CHST3: variants seen among roughly 807,000 people sequenced by gnomAD.
CHST3 encodes carbohydrate sulfotransferase 3.
In CHST3, 20 loss-of-function variants were observed where a neutral mutation model predicts 35.4. The observed-to-expected ratio is 0.57, with a 90% CI of 0.40 to 0.82. CHST3 has a LOEUF of 0.82. Among genes scored for constraint, CHST3 ranks in the 40% least tolerant of loss-of-function variants. The probability of loss-of-function intolerance (pLI) is 0.00; values close to 1 mark genes in which losing one functional copy is unlikely to be tolerated. For missense variants in CHST3, 693 were observed against 670.1 expected (o/e 1.03, Z -0.38); for synonymous variants, 334 against 295.9 (o/e 1.13, Z -1.32).
At chr10:71,967,072 C>T (rs770872877) in intron 1 of CHST3, among the ~76,000 whole-genome samples, 6 of 152,162 alleles carry the variant, frequency 3.9e-5, no homozygotes, top group Non-Finnish European at 7.3e-5. Context: ...CGATCACTGC[C>T]ACTCACCATA....
At chr10:72,004,917 C>T (rs1840024099) in intron 1 of CHST3, among the ~76,000 whole-genome samples, 1 of 152,116 alleles carries the variant, frequency 6.6e-6, no homozygotes, top group Admixed American at 6.5e-5. Context: ...ATTGCTTGCA[C>T]TCAGGAGTTC....
intron 1 of CHST3, among the ~76,000 whole-genome samples, chr10:71,985,575 T>A (rs905509829): frequency 6.6e-6 from 1 of 152,230 alleles, no homozygotes; most frequent in Admixed American, 6.5e-5. Flanking sequence ...AAAGGCCATT[T>A]CTGCTCAATC....
intron 1 of CHST3, among the ~76,000 whole-genome samples, chr10:71,990,848 A>G (rs753026113): frequency 1.3e-5 from 2 of 152,238 alleles, no homozygotes; most frequent in African/African-American, 2.4e-5. Context: ...GTTTGGCCAA[A>G]TCATCCTTCA....
At chr10:71,969,470 T>C (rs7086629) in intron 1 of CHST3, among the ~76,000 whole-genome samples, 1,919 of 152,278 alleles carry the variant, frequency 0.013, 51 homozygotes, top group African/African-American at 0.042. Context: ...GAGCCCCCAG[T>C]ACAGATGTCC....
intron 1 of CHST3, among the ~76,000 whole-genome samples, chr10:71,989,707 G>T (rs1171977343): frequency 1.3e-5 from 2 of 152,316 alleles, no homozygotes; most frequent in East Asian, 1.9e-4. Context: ...GAAAGTAGAA[G>T]TTAAAAGTCA....
chr10:71,966,632 G>A (rs1839634336), intron 1 of CHST3, among the ~76,000 whole-genome samples: 1 of 152,210 alleles, frequency 6.6e-6, no homozygotes, highest in Admixed American at 6.5e-5. Flanking sequence ...ATCTGGGCTT[G>A]GGCACCCCCA....
intron 1 of CHST3, among the ~76,000 whole-genome samples, chr10:71,986,091 A>G (rs1395006806): frequency 6.6e-6 from 1 of 152,212 alleles, no homozygotes; most frequent in Non-Finnish European, 1.5e-5. Context: ...AACAAGGGAC[A>G]CAGACCTGTT....
intron 1 of CHST3, among the ~76,000 whole-genome samples, chr10:71,980,595 C>G (rs1839791449): frequency 6.6e-6 from 1 of 152,166 alleles, no homozygotes; most frequent in African/African-American, 2.4e-5. Flanking sequence ...AATCTGCTCC[C>G]CTCTCCTGAG....
In CHST3 at chr10:72,008,147, G is replaced by A; in HGVS notation, c.1116G>A (p.Glu372=). The A allele has an allele frequency of 6.5e-7, 1 of 1,548,552 alleles. No homozygotes were observed. The highest frequency in any genetic ancestry group is 1.4e-5 in the African/African-American group (1 of 73,120). ...GCCGCTACATGCTGGTGCGCTACGA[G>A]GACGTGGCACGCGGGCCGCTGCAGA... is the stretch of plus-strand genomic sequence containing the variant. ...LRGRYMLVRY[E]DVARGPLQKA... Residue 372 remains glutamate, a synonymous_variant, in exon 3 of 3, where the codon GAG becomes GAA. Coordinates refer to ENST00000373115, the MANE Select transcript of CHST3 (RefSeq NM_004273.5).
At chr10:71,991,014 C>T (rs1215825533) in intron 1 of CHST3, among the ~76,000 whole-genome samples, 1 of 152,170 alleles carries the variant, frequency 6.6e-6, no homozygotes, top group African/African-American at 2.4e-5. Flanking sequence ...AAGCAGCATC[C>T]CAGGGATCCA....
intron 1 of CHST3, among the ~76,000 whole-genome samples, chr10:72,005,327 A>T (rs1380474351): frequency 7.0e-6 from 1 of 142,118 alleles, no homozygotes; most frequent in African/African-American, 2.5e-5. Context: ...GTGTGTTCTC[A>T]TGTATTTTCT....
chr10:71,985,115 G>A (rs1006736970), intron 1 of CHST3, among the ~76,000 whole-genome samples: 2 of 152,252 alleles, frequency 1.3e-5, no homozygotes, highest in African/African-American at 4.8e-5. Context: ...AAGCCTCCCA[G>A]CCAGAGTGCC....
At chr10:71,989,991 T>C (rs2131753670) in intron 1 of CHST3, among the ~76,000 whole-genome samples, 1 of 152,354 alleles carries the variant, frequency 6.6e-6, no homozygotes, top group South Asian at 2.1e-4. Flanking sequence ...GTTTTTTGTT[T>C]TGGTTTTGGT....
Position 72,007,515 on chromosome 10 carries a change from T to G in CHST3, c.484T>G (p.Phe162Val). 6.2e-7 allele frequency: 1 copy of G among 1,602,590 alleles called. No homozygotes were observed. Among genetic ancestry groups the G allele is most frequent in the Non-Finnish European group, 8.5e-7 (1 of 1,179,682 alleles). The change falls in exon 3 of 3, where the codon TTC becomes GTC. Residue 162 changes from phenylalanine (F) to valine (V), a missense_variant. Transcript: ENST00000373115. ...FNQQGNIFYL[F>V]EPLWHIERTV... The stretch of plus-strand genomic sequence containing the variant: ...CCAGCAGGGCAACATCTTCTACCTC[T>G]TCGAGCCGCTGTGGCACATCGAGCG...
intron 1 of CHST3, among the ~76,000 whole-genome samples, chr10:71,966,146 G>A (rs1262613464): frequency 2.6e-5 from 4 of 152,122 alleles, no homozygotes; most frequent in Non-Finnish European, 5.9e-5. Flanking sequence ...GAGATGGGCC[G>A]TGCTGCTGGG....
Position 72,007,199 on chromosome 10 carries a change from C to T in CHST3, c.168C>T (p.Pro56=). ...TCTCAGACAAGCTGAAGCAGATTCC[C>T]CAAGCTCTAGCAGATGCCAACAGCA... The part of the protein sequence containing the change: ...SRVSDKLKQI[P]QALADANSTD... The change falls in exon 3 of 3, where the codon CCC becomes CCT. Residue 56 remains proline, a synonymous_variant. Transcript: ENST00000373115. 1.2e-6 allele frequency: 2 copies of T among 1,614,160 alleles called. No individual in the cohort carries two copies. Among genetic ancestry groups the T allele is most frequent in the Non-Finnish European group, 1.7e-6 (2 of 1,180,040 alleles).
At chr10:71,967,975 A>ATTTTTTTTTTTTTTTT (rs61420934) in intron 1 of CHST3, among the ~76,000 whole-genome samples, 31 of 142,070 alleles carry the variant, frequency 2.2e-4, no homozygotes, top group East Asian at 1.3e-3. Flanking sequence ...TGCGTGGCTA[A>ATTTTTTTTTTTTTTTT]TTTTTTTTTT....
intron 1 of CHST3, among the ~76,000 whole-genome samples, chr10:71,979,467 C>T (rs1296788778): frequency 2.0e-5 from 3 of 151,270 alleles, no homozygotes; most frequent in South Asian, 2.1e-4. Flanking sequence ...TGGGGGAAGT[C>T]GGAGGGAGGC....
At position 72,007,425 on chromosome 10, in the gene CHST3, C is replaced by G. The variant is rs766145797; in HGVS notation, c.394C>G (p.Arg132Gly). Residue 132 changes from arginine (R) to glycine (G), a missense_variant, in exon 3 of 3, where the codon CGG becomes GGG. Transcript: ENST00000373115. ...EPPRPAVAGP[R>G]RHVLLMATTR... ...GCCCAGACCGGCCGTGGCGGGGCCC[C>G]GGCGCCACGTGCTGCTCATGGCCAC... 1.9e-6 allele frequency: 3 copies of G among 1,603,236 alleles called. No individual in the cohort carries two copies. Among genetic ancestry groups the G allele is most frequent in the Admixed American group, 1.7e-5 (1 of 59,552 alleles).
Sources: gnomAD v4.1 joint callset for allele counts (sites outside exome capture counted in the v4.1 genomes callset) on GRCh38, gnomAD v4.1.1 for gene constraint, MANE v1.5 for transcripts, NCBI Gene and HGNC (gene_info 2026-07-23, HGNC 2026-07-21) for gene names.